Variants in JAG1 observed in about 807,000 individuals in gnomAD.
JAG1 encodes the protein jagged canonical Notch ligand 1.
A neutral mutation model predicts 148.7 loss-of-function variants in JAG1; 23 were observed. That is an observed-to-expected ratio of 0.15 (90% CI 0.11 to 0.22). The LOEUF (loss-of-function observed/expected upper bound fraction) is 0.22. Among genes scored for constraint, JAG1 ranks in the 10% least tolerant of loss-of-function variants. JAG1 has a pLI of 1.00. For missense variants in JAG1, 1,054 were observed against 1,611.2 expected, an observed-to-expected ratio of 0.65 and a Z score of 5.92; for synonymous variants, 572 against 598.3, an observed-to-expected ratio of 0.96 and a Z score of 0.64.
intron 23 of JAG1, 33 bp downstream of exon 23, chr20:10,641,427 C>T (rs1384407299): frequency 6.4e-7 from 1 of 1,553,476 alleles, no homozygotes; most frequent in Non-Finnish European, 8.8e-7. Context: ...CAGACATCCA[C>T]CATTCAAAAA....
intron 3 of JAG1, among the ~76,000 whole-genome samples, chr20:10,660,937 C>A (rs1181996300): frequency 6.6e-6 from 1 of 152,186 alleles, no homozygotes; most frequent in African/African-American, 2.4e-5. Flanking sequence ...CGAGTCTGAG[C>A]ATAACCTGGG....
chr20:10,640,784 T>C lies in JAG1; in HGVS notation c.3198A>G (p.Thr1066=). The C allele has an allele frequency of 6.2e-7, 1 of 1,614,102 alleles. No individual in the cohort carries two copies. Among genetic ancestry groups the C allele is most frequent in the Non-Finnish European group, 8.5e-7 (1 of 1,179,940 alleles). The part of the protein sequence containing the change: ...RVQRRPLKNR[T]DFLVPLLSSV... ...AAACTAGTCCCACTTGACACCTACC[T>C]GTTCTGTTCTTCAGAGGCCGCCTCT... Residue 1066 remains threonine (T), a splice_region_variant and synonymous_variant, in exon 25 of 26, where the codon ACA becomes ACG. Transcript: ENST00000254958.
In JAG1 at chr20:10,645,646, C is replaced by G; in HGVS notation, c.2000-177G>C. 4 of 670,156 alleles carry G rather than the reference C, an allele frequency of 6.0e-6. No individual in the cohort carries two copies. 41.5% of individuals were successfully genotyped at this position (670,156 alleles called of 1,614,324 possible). On this transcript the variant is annotated intron_variant, in intron 15 of 25. Transcript: ENST00000254958. This position sits in a 1 kb window ranked among gnomAD's most constrained non-coding sequence, Gnocchi z 6.1. ...AATAAAGGAGCTCCCAACTGGGTTA[C>G]TTTGAATGCCACAAGTTAGGCAAGA...
chr20:10,666,674 A>G, intron 2 of JAG1, among the ~76,000 whole-genome samples: 1 of 152,210 alleles, frequency 6.6e-6, no homozygotes, highest in Non-Finnish European at 1.5e-5. Context: ...GGGGTAGCAA[A>G]CAGATCTTTA....
chr20:10,640,668 GAGCTC>G (rs1157230515), intron 25 of JAG1, 110 bp downstream of exon 25: 3 of 1,074,344 alleles, frequency 2.8e-6, no homozygotes, highest in Admixed American at 3.5e-5. Context: ...GTTAAATTGG[GAGCTC>G]CTGCGAGGGT....
intron 2 of JAG1, among the ~76,000 whole-genome samples, chr20:10,667,195 G>A (rs2067460221): frequency 6.6e-6 from 1 of 152,332 alleles, no homozygotes; most frequent in Middle Eastern, 3.4e-3. Context: ...CACGCGTGCG[G>A]CGTCCAAAAC....
chr20:10,651,405 G>A lies in JAG1; in HGVS notation c.1120+176C>T, dbSNP rs566442450. Reference sequence around the variant, plus strand: ...TGCGCTACCTTAGTGGGACAGGATGGGGGTGCTGGGAGACTTCCAAACACA... The same window carrying A: ...TGCGCTACCTTAGTGGGACAGGATGAGGGTGCTGGGAGACTTCCAAACACA... On this transcript the variant is annotated intron_variant, in intron 8 of 25. Coordinates refer to ENST00000254958, the MANE Select transcript of JAG1 (RefSeq NM_000214.3). The A allele has an allele frequency of 1.5e-3, 885 of 594,130 alleles. 22 individuals carry two copies. The South Asian group carries it at 0.017, about 12-fold the overall frequency. 36.8% of individuals were successfully genotyped at this position (594,130 alleles called of 1,614,324 possible).
intron 20 of JAG1, among the ~76,000 whole-genome samples, chr20:10,642,938 T>C (rs903012172): frequency 6.6e-6 from 1 of 152,246 alleles, no homozygotes. Flanking sequence ...GTGGGGTATA[T>C]AGTCTCTGTC....
chr20:10,672,002 G>A (rs2067498814), intron 2 of JAG1, among the ~76,000 whole-genome samples: 1 of 151,870 alleles, frequency 6.6e-6, no homozygotes, highest in African/African-American at 2.4e-5. Flanking sequence ...TCCAGAGCCC[G>A]GGAACCGCTG....
chr20:10,667,243 G>A (rs775769886), intron 2 of JAG1, among the ~76,000 whole-genome samples: 3 of 152,326 alleles, frequency 2.0e-5, no homozygotes, highest in Admixed American at 1.3e-4. Flanking sequence ...CCGGCGGCAC[G>A]CACATCCTGG....
chr20:10,641,910 G>T lies in JAG1; in HGVS notation c.2573-18C>A, dbSNP rs778675705. 2 of 1,518,200 alleles carry T rather than the reference G, an allele frequency of 1.3e-6. No individual in the cohort carries two copies. The highest frequency in any genetic ancestry group is 2.2e-5 in the South Asian group (2 of 89,008). 94.0% of individuals were successfully genotyped at this position (1,518,200 alleles called of 1,614,324 possible). ...CCCTGAAACTGACAGGTGGAGACGG[G>T]TGAGCAGTTTATTTTTCTGTGAACC... On this transcript the variant is annotated intron_variant, in intron 21 of 25. Coordinates refer to ENST00000254958, the MANE Select transcript of JAG1 (RefSeq NM_000214.3).
In JAG1 at chr20:10,657,842, A is replaced by C. The variant is rs147370621; in HGVS notation, c.694+626T>G. ...GCCATGCCCCCAAAGACACCTAGTGAAAACTTGCTGCAAGGCTACCCTGAA... is the reference window on the plus strand; with the variant it reads ...GCCATGCCCCCAAAGACACCTAGTGCAAACTTGCTGCAAGGCTACCCTGAA... On this transcript the variant is annotated intron_variant, in intron 4 of 25. Coordinates refer to ENST00000254958, the MANE Select transcript of JAG1 (RefSeq NM_000214.3). 2.0e-4 allele frequency among the ~76,000 whole-genome samples: 30 copies of C among 152,306 alleles called. 1 individual carries two copies. The East Asian group carries it at 4.8e-3, about 25-fold the overall frequency.
chr20:10,644,473 C>G, intron 18 of JAG1, 89 bp from the exon 19 acceptor site: 1 of 1,033,298 alleles, frequency 9.7e-7, no homozygotes, highest in Non-Finnish European at 1.5e-6. Flanking sequence ...TTTCCTAATA[C>G]CCAAATGATA....
chr20:10,641,276 T>G (rs2067269468), intron 23 of JAG1, 32 bp from the exon 24 acceptor site: 1 of 1,601,258 alleles, frequency 6.2e-7, no homozygotes, highest in Non-Finnish European at 8.5e-7. Context: ...CACACACGTG[T>G]AAGATTGAGA....
At chr20:10,650,647 T>G in intron 8 of JAG1, 8 of 422,186 alleles carry the variant, frequency 1.9e-5, no homozygotes, top group East Asian at 4.9e-5. Flanking sequence ...AGGACATCTC[T>G]ATCTGCCTAA....
intron 2 of JAG1, among the ~76,000 whole-genome samples, chr20:10,666,909 C>CA (rs1211836218): frequency 6.6e-6 from 1 of 152,212 alleles, no homozygotes; most frequent in Non-Finnish European, 1.5e-5. Flanking sequence ...AAGGCTGGGG[C>CA]CCCTGCACCT....
In JAG1 at chr20:10,664,405, C is replaced by CACACACACACACACACAT. The variant is rs2067438641; in HGVS notation, c.388-392_388-391insATGTGTGTGTGTGTGTGT. Among the ~76,000 whole-genome samples the CACACACACACACACACAT allele has an allele frequency of 2.0e-5, 3 of 148,612 alleles. No homozygotes were observed. In the South Asian group the frequency reaches 6.2e-4, roughly 31 times the overall value. On this transcript the variant is annotated intron_variant, in intron 2 of 25. Coordinates refer to ENST00000254958, the MANE Select transcript of JAG1 (RefSeq NM_000214.3). ...ACACACACACACACACACACACACA[C>CACACACACACACACACAT]ACACACAAAGAATTTATTCTAAGCT...
Position 10,650,044 on chromosome 20 carries a change from G to A in JAG1, c.1234+203C>T, listed in dbSNP as rs149606526. ...ATTGACATGGTTCAAGGAATCCCACGACTTTCCCACAGGGCCTAAAAGAGC... is the reference window on the plus strand; with the variant it reads ...ATTGACATGGTTCAAGGAATCCCACAACTTTCCCACAGGGCCTAAAAGAGC... On this transcript the variant is annotated intron_variant, in intron 9 of 25. Coordinates refer to ENST00000254958, the MANE Select transcript of JAG1 (RefSeq NM_000214.3). Among the ~76,000 whole-genome samples, 55 of 152,302 alleles carry A rather than the reference G, an allele frequency of 3.6e-4. 1 individual carries two copies. In the East Asian group the frequency reaches 3.9e-3, roughly 11 times the overall value.
rs181753810 is a variant in JAG1 at position 10,638,923 on chromosome 20, A to G, written c.*575T>C. On this transcript the variant is annotated 3_prime_UTR_variant, in exon 26 of 26. Coordinates refer to ENST00000254958, the MANE Select transcript of JAG1 (RefSeq NM_000214.3). The stretch of plus-strand genomic sequence containing the variant: ...TATTTACATAACTATACAAAGTTCT[A>G]CTTTTGACATTTTTTTCTTTAAATT... 1 of 155,582 alleles carries G rather than the reference A, an allele frequency of 6.4e-6. No individual in the cohort carries two copies. 9.6% of individuals were successfully genotyped at this position (155,582 alleles called of 1,614,324 possible).
Sources: allele counts gnomAD v4.1 joint callset (sites outside exome capture counted in the v4.1 genomes callset), GRCh38; gene constraint gnomAD v4.1.1; non-coding constraint Gnocchi (gnomAD v3.1); transcripts MANE v1.5; gene names NCBI Gene and HGNC (gene_info 2026-07-23, HGNC 2026-07-21).